RNF13: variants seen among roughly 807,000 people sequenced by gnomAD.
The protein encoded by RNF13 is ring finger protein 13.
Under a neutral mutation model 37.7 loss-of-function variants are expected in RNF13, and 19 were observed. The ratio of observed to expected loss-of-function variants is 0.50; its 90% CI spans 0.35 to 0.74. The LOEUF (loss-of-function observed/expected upper bound fraction) is 0.74. Ranked by LOEUF, RNF13 falls within the 30% of genes least tolerant of loss-of-function variation. The pLI, the probability that RNF13 is intolerant of heterozygous loss-of-function variation, is 0.01. For synonymous variants in RNF13, 144 were observed against 157.8 expected (o/e 0.91, Z 0.65); for missense variants, 375 against 453.0 (o/e 0.83, Z 1.56).
At chr3:149,914,361 C>A (rs1449841053) in intron 7 of RNF13, among the ~76,000 whole-genome samples, 1 of 151,870 alleles carries the variant, frequency 6.6e-6, no homozygotes, top group Non-Finnish European at 1.5e-5. Flanking sequence ...GGTCAGGGGA[C>A]ATTATAGATT....
rs200144939 is a variant in RNF13, at chr3:149,833,048, CA to C, written c.-16-12960del. ...TAAGGGGCCAAAATTACCCTGGTACCAAAGTCAGACAAGGATACTAAAAAAA... is the reference window on the plus strand; with the variant it reads ...TAAGGGGCCAAAATTACCCTGGTACCAAGTCAGACAAGGATACTAAAAAAA... On this transcript the variant is annotated intron_variant, in intron 1 of 9. Transcript: ENST00000392894. Among the ~76,000 whole-genome samples, 585 of 150,986 alleles carry C rather than the reference CA, an allele frequency of 3.9e-3. 6 individuals carry two copies. The highest frequency in any genetic ancestry group is 0.017 in the Admixed American group (251 of 15,144).
chr3:149,835,014 G>T (rs542624373), intron 1 of RNF13, among the ~76,000 whole-genome samples: 2 of 152,066 alleles, frequency 1.3e-5, no homozygotes, highest in African/African-American at 4.8e-5. Context: ...ATATGCAACA[G>T]TTAACTCAAA....
At chr3:149,952,474 T>G (rs574588966) in intron 8 of RNF13, among the ~76,000 whole-genome samples, 1 of 152,192 alleles carries the variant, frequency 6.6e-6, no homozygotes, top group Non-Finnish European at 1.5e-5. Context: ...AATTTTAGAT[T>G]AGGATGTACA....
chr3:149,947,212 C>T (rs1720852197), intron 8 of RNF13, among the ~76,000 whole-genome samples: 1 of 151,850 alleles, frequency 6.6e-6, no homozygotes, highest in South Asian at 2.1e-4. Context: ...ATTACATGTG[C>T]GTTTGAGAAT....
chr3:149,960,905 C>G lies in RNF13; in HGVS notation c.947C>G (p.Ala316Gly). Residue 316 changes from alanine (A) to glycine (G), a missense_variant, in exon 10 of 10, where the codon GCT (alanine) becomes GGT (glycine). Coordinates refer to ENST00000392894, the MANE Select transcript of RNF13 (RefSeq NM_183381.3). ...CATACCCCTTTACTGAGACCTTTAG[C>G]TTCTGTCAGTGCCCAGTCATTTGGG... ...TEHTPLLRPL[A>G]SVSAQSFGAL... is the part of the protein sequence containing the mutation. 1.2e-6 allele frequency: 2 copies of G among 1,614,168 alleles called. No individual in the cohort carries two copies. The highest frequency in any genetic ancestry group is 1.7e-6 in the Non-Finnish European group (2 of 1,179,992).
At chr3:149,945,584 C>T (rs190355863) in intron 8 of RNF13, among the ~76,000 whole-genome samples, 263 of 152,266 alleles carry the variant, frequency 1.7e-3, no homozygotes, top group Non-Finnish European at 1.7e-3. Context: ...TCTCCCAGCA[C>T]GCAGCTTGAG....
rs1055667620 is a variant in RNF13 at position 149,857,027 on chromosome 3, G to A, written c.195+4431G>A. On this transcript the variant is annotated intron_variant, in intron 3 of 9. Coordinates refer to ENST00000392894, the MANE Select transcript of RNF13 (RefSeq NM_183381.3). Reference sequence around the variant, plus strand: ...CCTCCCAAAGTGCTGGGATACAGGCGTGAGCCACCATGCCCGGCCCAAAAT... The same window carrying A: ...CCTCCCAAAGTGCTGGGATACAGGCATGAGCCACCATGCCCGGCCCAAAAT... Among the ~76,000 whole-genome samples, 10 of 152,308 alleles carry A rather than the reference G, an allele frequency of 6.6e-5. No individual in the cohort carries two copies. The South Asian group carries it at 8.3e-4, about 13-fold the overall frequency.
intron 1 of RNF13, among the ~76,000 whole-genome samples, chr3:149,829,898 C>T (rs1245584854): frequency 6.6e-6 from 1 of 152,022 alleles, no homozygotes; most frequent in East Asian, 1.9e-4. Context: ...CTGTGCTGTT[C>T]TCGTGATAGT....
chr3:149,872,309 G>T (rs905263815), intron 4 of RNF13, among the ~76,000 whole-genome samples, 155 bp downstream of exon 4: 7 of 152,140 alleles, frequency 4.6e-5, no homozygotes, highest in African/African-American at 1.7e-4. Context: ...ATGTTTACTG[G>T]TTCTAAGAAT....
At chr3:149,848,201 A>C (rs969660085) in intron 2 of RNF13, among the ~76,000 whole-genome samples, 3 of 145,730 alleles carry the variant, frequency 2.1e-5, no homozygotes, top group African/African-American at 5.4e-5. Context: ...ATTTAGAGAC[A>C]AAAAAAAAAT....
intron 8 of RNF13, among the ~76,000 whole-genome samples, chr3:149,936,090 C>G (rs1023975070): frequency 7.9e-5 from 12 of 151,524 alleles, no homozygotes; most frequent in African/African-American, 2.9e-4. Context: ...ATGGTTTCTA[C>G]TAGATGTCCA....
intron 1 of RNF13, among the ~76,000 whole-genome samples, chr3:149,819,261 A>G (rs1205402805): frequency 1.3e-5 from 2 of 152,246 alleles, no homozygotes; most frequent in Non-Finnish European, 2.9e-5. Flanking sequence ...CTTAGTTAAT[A>G]AACTAATGTT....
intron 1 of RNF13, among the ~76,000 whole-genome samples, chr3:149,815,039 T>C (rs9875202): frequency 0.65 from 98,980 of 151,934 alleles, 32,797 homozygotes; most frequent in Non-Finnish European, 0.71. Context: ...AGAGGTATAA[T>C]ACTGAAGGGT....
intron 8 of RNF13, among the ~76,000 whole-genome samples, chr3:149,923,141 G>A (rs1415228701): frequency 6.6e-6 from 1 of 152,022 alleles, no homozygotes; most frequent in African/African-American, 2.4e-5. Flanking sequence ...AGAACATCAT[G>A]TTAAAATAAA....
intron 2 of RNF13, among the ~76,000 whole-genome samples, chr3:149,848,856 T>C (rs1016503258): frequency 5.1e-4 from 78 of 152,238 alleles, no homozygotes; most frequent in African/African-American, 1.9e-3. Flanking sequence ...AGTCTATAGC[T>C]GACTAGACTA....
chr3:149,815,535 G>A (rs1719352490), intron 1 of RNF13, among the ~76,000 whole-genome samples: 1 of 152,172 alleles, frequency 6.6e-6, no homozygotes. Flanking sequence ...ATAAAAAGGG[G>A]AAGAAAGTTG....
chr3:149,950,905 T>C lies in RNF13; in HGVS notation c.701-9151T>C, dbSNP rs114463676. On this transcript the variant is annotated intron_variant, in intron 8 of 9. Coordinates refer to ENST00000392894, the MANE Select transcript of RNF13 (RefSeq NM_183381.3). ...GGAGTTGGGTATCTTCTGTTCCATG[T>C]AGGTTAGAGCTGATGGGAGTTGGGT... Among the ~76,000 whole-genome samples the C allele has an allele frequency of 2.2e-3, 341 of 152,218 alleles. 1 individual carries two copies. The highest frequency in any genetic ancestry group is 3.5e-3 in the African/African-American group (146 of 41,538).
At chr3:149,871,106 A>G (rs141447547) in intron 3 of RNF13, among the ~76,000 whole-genome samples, 2,111 of 149,326 alleles carry the variant, frequency 0.014, 53 homozygotes, top group Middle Eastern at 0.021. Flanking sequence ...CAGTGGCAGA[A>G]TCTTGACTCA....
intron 5 of RNF13, among the ~76,000 whole-genome samples, chr3:149,899,398 G>A (rs367729789): frequency 1.2e-4 from 18 of 152,176 alleles, no homozygotes; most frequent in African/African-American, 2.9e-4. Context: ...GCAGTGAGCC[G>A]AGATCGTGCC....
Sources: gnomAD v4.1 joint callset for allele counts (sites outside exome capture counted in the v4.1 genomes callset) on GRCh38, gnomAD v4.1.1 for gene constraint, MANE v1.5 for transcripts, NCBI Gene and HGNC (gene_info 2026-07-23, HGNC 2026-07-21) for gene names.